PACS2: variants seen among roughly 807,000 people sequenced by gnomAD.
PACS2 encodes PACS1-like protein.
Under a neutral mutation model 113.0 loss-of-function variants are expected in PACS2, and 36 were observed. That is an observed-to-expected ratio of 0.32 (90% CI 0.24 to 0.42). The LOEUF (loss-of-function observed/expected upper bound fraction) is 0.42. Ranked by LOEUF, PACS2 falls within the 10% of genes least tolerant of loss-of-function variation. The pLI is 1.00. For missense variants in PACS2, 1,015 were observed against 1,239.5 expected (o/e 0.82, Z 2.72); for synonymous variants, 589 against 536.1 (o/e 1.10, Z -1.36).
chr14:105,344,197 A>G (rs1463607590), intron 1 of PACS2, among the ~76,000 whole-genome samples: 1 of 150,192 alleles, frequency 6.7e-6, no homozygotes, highest in Admixed American at 6.6e-5. Context: ...GATTACAGGC[A>G]TGAGCCACCC....
Position 105,368,584 on chromosome 14 carries a change from G to A in PACS2, c.741+45G>A, listed in dbSNP as rs191005930. ...ATGAATGCTGGGGAAGGCGAGGGTC[G>A]GGGAGGACGCTGGGAGCCTGGGCGT... On this transcript the variant is annotated intron_variant, in intron 7 of 24. Transcript: ENST00000447393. 4.1e-4 allele frequency: 609 copies of A among 1,487,386 alleles called. 2 individuals carry two copies. In the African/African-American group the frequency reaches 5.0e-3, roughly 12 times the overall value. The allele number at this position is 1,487,386 out of a possible 1,614,324, so 92.1% of individuals were successfully genotyped here. A position where few individuals can be genotyped will look rare whatever the true frequency, so the allele number is the denominator to read the frequency against.
chr14:105,303,092 C>T (rs2058086621), intron 1 of PACS2, among the ~76,000 whole-genome samples: 1 of 152,142 alleles, frequency 6.6e-6, no homozygotes, highest in Middle Eastern at 3.2e-3. Context: ...CCACGCCCAG[C>T]TAATTTTTGT....
chr14:105,362,339 A>AC (rs1241816569), intron 4 of PACS2, among the ~76,000 whole-genome samples: 42 of 147,940 alleles, frequency 2.8e-4, no homozygotes, highest in Admixed American at 4.7e-4. Context: ...AATGGTGTGA[A>AC]CCTGGAGGTG....
chr14:105,310,524 ACT>A (rs1290157373), upstream of PACS2, among the ~76,000 whole-genome samples: 3 of 102,762 alleles, frequency 2.9e-5, no homozygotes, highest in Non-Finnish European at 5.4e-5. Context: ...ACAGAGCGAG[ACT>A]CTGTCTCAAA....
In PACS2 at chr14:105,376,331, G is replaced by C. The variant is rs2080772567; in HGVS notation, c.802-437G>C. On this transcript the variant is annotated intron_variant, in intron 8 of 24. Coordinates refer to ENST00000447393, the MANE Select transcript of PACS2 (RefSeq NM_001100913.3). This position sits in a 1 kb window ranked among gnomAD's most constrained non-coding sequence, Gnocchi z 4.7. ...TTTGGGTAGCACTCGGGAAAGGGCA[G>C]AATGTACAGGAACAGAGTGAGATTC... 6.6e-6 allele frequency among the ~76,000 whole-genome samples: 1 copy of C among 152,078 alleles called. No individual in the cohort carries two copies. The highest frequency in any genetic ancestry group is 2.4e-5 in the African/African-American group (1 of 41,398).
At chr14:105,362,286 C>T (rs763131252) in intron 4 of PACS2, among the ~76,000 whole-genome samples, 183 of 151,264 alleles carry the variant, frequency 1.2e-3, no homozygotes, top group South Asian at 2.1e-3. Context: ...GGCGTGGTGG[C>T]GGGCGCCTGT....
intron 19 of PACS2, 67 bp from the exon 20 acceptor site, chr14:105,389,894 G>A: frequency 1.4e-6 from 2 of 1,424,468 alleles, no homozygotes; most frequent in Non-Finnish European, 2.0e-6. Context: ...AGGCCAAGAG[G>A]GAGCTGTGCC....
chr14:105,374,103 C>G (rs2061256615), intron 8 of PACS2, among the ~76,000 whole-genome samples: 1 of 146,998 alleles, frequency 6.8e-6, no homozygotes. Context: ...TGCAGTGAGC[C>G]AACATTGCAT....
chr14:105,353,872 G>A (rs1041161933), intron 3 of PACS2, among the ~76,000 whole-genome samples: 8 of 152,114 alleles, frequency 5.3e-5, no homozygotes, highest in Admixed American at 2.0e-4. Flanking sequence ...GATTACAGGC[G>A]TGGGACACCA....
Position 105,339,090 on chromosome 14 carries a change from C to T in PACS2, c.120-9403C>T, listed in dbSNP as rs587611130. ...CCCTGCTTTGCAAGTTCCTGGGGAC[C>T]CGTGGCTGTCACTTTGGCCCCTTGA... On this transcript the variant is annotated intron_variant, in intron 1 of 24. Coordinates refer to ENST00000447393, the MANE Select transcript of PACS2 (RefSeq NM_001100913.3). 1.1e-4 allele frequency among the ~76,000 whole-genome samples: 16 copies of T among 152,338 alleles called. No individual in the cohort carries two copies. In the South Asian group the frequency reaches 3.1e-3, roughly 30 times the overall value.
At position 105,390,537 on chromosome 14, in the gene PACS2, G is replaced by A. The variant is rs141940376; in HGVS notation, c.2076+534G>A. On this transcript the variant is annotated intron_variant, in intron 20 of 24. Coordinates refer to ENST00000447393, the MANE Select transcript of PACS2 (RefSeq NM_001100913.3). ...CGCTCTGTTGTGTGGCCTCCCTCCCGCCAGGTGTCTGCTGTGAGACAGACC... is the reference window on the plus strand; with the variant it reads ...CGCTCTGTTGTGTGGCCTCCCTCCCACCAGGTGTCTGCTGTGAGACAGACC... The A allele has an allele frequency of 3.7e-4, 64 of 174,750 alleles. No homozygotes were observed. In the Middle Eastern group the frequency reaches 8.2e-3, roughly 23 times the overall value. 10.8% of individuals were successfully genotyped at this position (174,750 alleles called of 1,614,324 possible). A position where few individuals can be genotyped will look rare whatever the true frequency, so the allele number is the denominator to read the frequency against.
intron 13 of PACS2, 86 bp downstream of exon 13, chr14:105,382,144 A>C: frequency 7.3e-7 from 1 of 1,368,430 alleles, no homozygotes; most frequent in South Asian, 1.4e-5. Context: ...AGAGAAGCAC[A>C]GGGGGCCAAG....
intron 2 of PACS2, among the ~76,000 whole-genome samples, chr14:105,349,284 C>A (rs2060064205): frequency 6.6e-6 from 1 of 152,242 alleles, no homozygotes; most frequent in South Asian, 2.1e-4. Context: ...AGCGGGCTCT[C>A]CCTAGCCGGC....
At chr14:105,309,809 G>T (rs189792986), upstream of PACS2, among the ~76,000 whole-genome samples, 1 of 137,552 alleles carries the variant, frequency 7.3e-6, no homozygotes, top group African/African-American at 2.8e-5. The surrounding 1 kb of genome is among the most constrained non-coding windows in gnomAD (Gnocchi z 4.0). Flanking sequence ...TTTTTTAGAC[G>T]GAGTCTCACT....
chr14:105,382,001 C>G lies in PACS2; in HGVS notation c.1356C>G (p.Asn452Lys). 1.3e-6 allele frequency: 2 copies of G among 1,550,250 alleles called. No individual in the cohort carries two copies. The highest frequency in any genetic ancestry group is 1.7e-6 in the Non-Finnish European group (2 of 1,147,228). The change falls in exon 13 of 25, where the codon AAC (asparagine) becomes AAG (lysine). Residue 452 changes from asparagine to lysine, a missense_variant. Around this residue, in one of 3 missense-constraint regions of PACS2, gnomAD observed 859 missense variants for 1,056.8 expected, o/e 0.81. Transcript: ENST00000447393. ...CACGGCCCCAGAATGAGCGGGCCAA[C>G]AGCCTGGACAACGAGCGCTGCCCGG... is the stretch of plus-strand genomic sequence containing the variant. ...QAARPQNERANSLDNERCPDA... is the reference protein window; with the variant it reads ...QAARPQNERAKSLDNERCPDA...
Position 105,394,392 on chromosome 14 carries a change from G to A in PACS2, c.2597-162G>A, listed in dbSNP as rs587596681. Reference sequence around the variant, plus strand: ...TCCCTCAGGAGCCAGCATGGCCCTGGAGCCCCCGAGTCCCTGAGGAAAGTG... The same window carrying A: ...TCCCTCAGGAGCCAGCATGGCCCTGAAGCCCCCGAGTCCCTGAGGAAAGTG... On this transcript the variant is annotated intron_variant, in intron 24 of 24. Coordinates refer to ENST00000447393, the MANE Select transcript of PACS2 (RefSeq NM_001100913.3). 10 of 985,284 alleles carry A rather than the reference G, an allele frequency of 1.0e-5. No homozygotes were observed. The South Asian group carries it at 4.2e-4, about 42-fold the overall frequency. 61.0% of individuals were successfully genotyped at this position (985,284 alleles called of 1,614,324 possible). A position where few individuals can be genotyped will look rare whatever the true frequency, so the allele number is the denominator to read the frequency against.
chr14:105,368,406 T>C, intron 6 of PACS2, 53 bp from the exon 7 acceptor site: 1 of 1,402,258 alleles, frequency 7.1e-7, no homozygotes, highest in Non-Finnish European at 1.0e-6. Flanking sequence ...GGCAGGGTCC[T>C]GCCAGCACTA....
At chr14:105,334,786 C>A (rs777131901) in intron 1 of PACS2, among the ~76,000 whole-genome samples, 2 of 152,270 alleles carry the variant, frequency 1.3e-5, no homozygotes, top group African/African-American at 2.4e-5. Flanking sequence ...TGAGCACAGA[C>A]CCAGATGGGA....
intron 1 of PACS2, among the ~76,000 whole-genome samples, chr14:105,332,873 C>G (rs1451669951): frequency 6.6e-6 from 1 of 152,204 alleles, no homozygotes; most frequent in Non-Finnish European, 1.5e-5. Context: ...TAAGTGCATC[C>G]TCTTGATGTG....
Sources: allele counts gnomAD v4.1 joint callset (sites outside exome capture counted in the v4.1 genomes callset), GRCh38; gene constraint gnomAD v4.1.1; regional missense constraint gnomAD v4.1.1; non-coding constraint Gnocchi (gnomAD v3.1); transcripts MANE v1.5; gene names NCBI Gene and HGNC (gene_info 2026-07-23, HGNC 2026-07-21).